The following FTO variants were observed in gnomAD, a reference collection of about 807,000 sequenced individuals.
FTO encodes alpha-ketoglutarate-dependent dioxygenase FTO.
Under a neutral mutation model 63.9 loss-of-function variants are expected in FTO, and 47 were observed. The ratio of observed to expected loss-of-function variants is 0.74; its 90% CI spans 0.58 to 0.94. The LOEUF (loss-of-function observed/expected upper bound fraction) is 0.94. Ranked by LOEUF, FTO falls within the 40% of genes least tolerant of loss-of-function variation. The probability of loss-of-function intolerance (pLI) is 0.00; values close to 1 mark genes in which losing one functional copy is unlikely to be tolerated. For synonymous variants in FTO, 207 were observed against 224.4 expected, an observed-to-expected ratio of 0.92 and a Z score of 0.69; for missense variants, 562 against 618.1, an observed-to-expected ratio of 0.91 and a Z score of 0.96.
chr16:53,877,354 T>G (rs1360708308), intron 5 of FTO, among the ~76,000 whole-genome samples: 1 of 152,202 alleles, frequency 6.6e-6, no homozygotes, highest in Non-Finnish European at 1.5e-5. Flanking sequence ...TTGAATATTA[T>G]TGGGCATTGA....
chr16:53,784,643 T>C (rs769070459), intron 1 of FTO, among the ~76,000 whole-genome samples: 3 of 152,292 alleles, frequency 2.0e-5, no homozygotes, highest in East Asian at 3.9e-4. Flanking sequence ...GGGCTTTACT[T>C]ACTATAATTG....
chr16:53,739,194 T>TA (rs1440782008), intron 1 of FTO, among the ~76,000 whole-genome samples: 1 of 139,650 alleles, frequency 7.2e-6, no homozygotes, highest in African/African-American at 2.6e-5. Context: ...AAAATATTCT[T>TA]ACTATTACTA....
chr16:53,901,833 G>A (rs961863077), intron 7 of FTO, among the ~76,000 whole-genome samples: 2 of 152,156 alleles, frequency 1.3e-5, no homozygotes, highest in African/African-American at 4.8e-5. Context: ...TGTTGAGTGA[G>A]TAATAACTCT....
intron 1 of FTO, among the ~76,000 whole-genome samples, chr16:53,760,311 G>A (rs984545538): frequency 1.3e-5 from 2 of 150,274 alleles, no homozygotes; most frequent in Non-Finnish European, 2.9e-5. Flanking sequence ...GCAGTGGTGC[G>A]ATCTTGGGTC....
intron 8 of FTO, among the ~76,000 whole-genome samples, chr16:54,035,295 C>T (rs856976): frequency 3.3e-5 from 5 of 152,034 alleles, no homozygotes; most frequent in Admixed American, 3.3e-4. Context: ...GAAACCCCTA[C>T]GAGGCTCCTT....
In FTO at chr16:54,120,243, A is replaced by C. The variant is rs2086996507; in HGVS notation, c.*8328A>C. 6.6e-6 allele frequency: 1 copy of C among 152,262 alleles called. No individual in the cohort carries two copies. The highest frequency in any genetic ancestry group is 1.5e-5 in the Non-Finnish European group (1 of 68,092). The allele number at this position is 152,262 out of a possible 1,614,324, so 9.4% of individuals were successfully genotyped here. The stretch of plus-strand genomic sequence containing the variant: ...CACTGGGACATAGCTTGGGGAGCTG[A>C]AGGTACCTTGGAAGGGCCAGATGAG... On this transcript the variant is annotated 3_prime_UTR_variant, in exon 9 of 9. Coordinates refer to ENST00000471389, the MANE Select transcript of FTO (RefSeq NM_001080432.3).
At chr16:54,078,009 G>T (rs1305319237) in intron 8 of FTO, among the ~76,000 whole-genome samples, 2 of 152,138 alleles carry the variant, frequency 1.3e-5, no homozygotes, top group Non-Finnish European at 2.9e-5. Context: ...CCCCATCCAT[G>T]CTGGTGACAA....
intron 7 of FTO, among the ~76,000 whole-genome samples, chr16:53,931,209 G>A (rs1158193362): frequency 1.3e-5 from 2 of 151,514 alleles, no homozygotes; most frequent in Admixed American, 6.6e-5. Context: ...ATGTTAGCTA[G>A]CTAGATGTCT....
intron 8 of FTO, among the ~76,000 whole-genome samples, chr16:54,068,005 C>G (rs1268626063): frequency 2.0e-5 from 3 of 151,808 alleles, no homozygotes; most frequent in African/African-American, 7.3e-5. Context: ...CCAGATATAA[C>G]TGGGGCTTGC....
chr16:53,842,030 T>C (rs904385177), intron 3 of FTO, among the ~76,000 whole-genome samples: 1 of 152,170 alleles, frequency 6.6e-6, no homozygotes. Flanking sequence ...GGCATTTTTG[T>C]TTTTTTCTTC....
chr16:53,763,554 T>A (rs746448247), intron 1 of FTO, among the ~76,000 whole-genome samples: 1 of 152,174 alleles, frequency 6.6e-6, no homozygotes, highest in Non-Finnish European at 1.5e-5. Flanking sequence ...TAGTCTCCTT[T>A]GAGTACCCTG....
intron 1 of FTO, among the ~76,000 whole-genome samples, chr16:53,736,864 G>C (rs950361048): frequency 6.6e-6 from 1 of 152,170 alleles, no homozygotes; most frequent in Non-Finnish European, 1.5e-5. Context: ...TCTATTTGCT[G>C]TGTAGTTTGT....
At chr16:53,835,891 A>ATTTTGATT (rs768414738) in intron 3 of FTO, among the ~76,000 whole-genome samples, 2 of 134,098 alleles carry the variant, frequency 1.5e-5, no homozygotes, top group African/African-American at 5.6e-5. Flanking sequence ...CTGTCTATTG[A>ATTTTGATT]TTTTTTTTTT....
rs75098325 is a variant in FTO, at chr16:53,899,553, A to G, written c.1239+10602A>G. 3.8e-4 allele frequency among the ~76,000 whole-genome samples: 58 copies of G among 152,308 alleles called. 2 individuals are homozygous for G. In the East Asian group the frequency reaches 9.3e-3, roughly 24 times the overall value. On this transcript the variant is annotated intron_variant, in intron 7 of 8. Coordinates refer to ENST00000471389, the MANE Select transcript of FTO (RefSeq NM_001080432.3). ...CTGAAAACTGATTAAAATATTTATC[A>G]TCCTTTGGGTATGCAATAGCTTTTG...
chr16:53,872,662 A>C (rs1238915065), intron 4 of FTO, among the ~76,000 whole-genome samples: 2 of 152,330 alleles, frequency 1.3e-5, no homozygotes, highest in East Asian at 3.9e-4. Flanking sequence ...CACAATATTC[A>C]TAAGCAGAAA....
At chr16:53,887,551 A>C (rs1027123674) in intron 6 of FTO, among the ~76,000 whole-genome samples, 5 of 152,190 alleles carry the variant, frequency 3.3e-5, no homozygotes, top group African/African-American at 9.6e-5. Context: ...AAGTCAAGTT[A>C]CTTGAGTATT....
intron 1 of FTO, among the ~76,000 whole-genome samples, chr16:53,733,425 G>A (rs1026013081): frequency 2.0e-5 from 3 of 152,002 alleles, no homozygotes; most frequent in Non-Finnish European, 2.9e-5. Flanking sequence ...AAATAAAAAA[G>A]AAGAAGAAGA....
chr16:53,878,302 C>CA (rs958197969), intron 5 of FTO, among the ~76,000 whole-genome samples: 69 of 141,820 alleles, frequency 4.9e-4, no homozygotes, highest in African/African-American at 7.3e-4. Flanking sequence ...GACCCCGTCT[C>CA]AAAAAAAAAA....
chr16:53,705,861 A>C (rs1421091), intron 1 of FTO, among the ~76,000 whole-genome samples: 73,891 of 152,118 alleles, frequency 0.49, 21,628 homozygotes, highest in African/African-American at 0.82. Context: ...ATTTGCCATA[A>C]GTTGGGATTA....
Sources: allele counts gnomAD v4.1 joint callset (sites outside exome capture counted in the v4.1 genomes callset), GRCh38; gene constraint gnomAD v4.1.1; transcripts MANE v1.5; gene names NCBI Gene and HGNC (gene_info 2026-07-23, HGNC 2026-07-21).